HIF1A: variants seen among roughly 807,000 people sequenced by gnomAD.
HIF1A encodes hypoxia inducible factor 1 subunit alpha, also known as hypoxia-inducible factor 1-alpha.
A neutral mutation model predicts 92.7 loss-of-function variants in HIF1A; 24 were observed. That is an observed-to-expected ratio of 0.26 (90% CI 0.19 to 0.36). The LOEUF (loss-of-function observed/expected upper bound fraction) is 0.36, where lower values mean the gene tolerates loss of function less well. HIF1A is among the 10% of genes least tolerant of loss of function. The probability of loss-of-function intolerance (pLI) is 1.00; values close to 1 mark genes in which losing one functional copy is unlikely to be tolerated. For missense variants in HIF1A, 799 were observed against 998.5 expected, an observed-to-expected ratio of 0.80 and a Z score of 2.69; for synonymous variants, 319 against 338.7, an observed-to-expected ratio of 0.94 and a Z score of 0.64.
At chr14:61,699,452 T>C (rs983772186) in intron 1 of HIF1A, among the ~76,000 whole-genome samples, 8 of 69,338 alleles carry the variant, frequency 1.2e-4, no homozygotes, top group Non-Finnish European at 2.4e-4. Flanking sequence ...ATTTAGTCTC[T>C]TGACTGATTT....
intron 8 of HIF1A, among the ~76,000 whole-genome samples, chr14:61,735,723 C>T (rs1015165179): frequency 1.3e-5 from 2 of 152,166 alleles, no homozygotes; most frequent in African/African-American, 2.4e-5. Context: ...CCTCTTCAGC[C>T]GTATCCTGTA....
intron 1 of HIF1A, among the ~76,000 whole-genome samples, chr14:61,712,832 G>A (rs1262244470): frequency 6.6e-6 from 1 of 150,876 alleles, no homozygotes; most frequent in African/African-American, 2.4e-5. Context: ...CTACTGAGAA[G>A]ACAAAGATGA....
intron 1 of HIF1A, among the ~76,000 whole-genome samples, chr14:61,696,179 A>T (rs935877236): frequency 1.3e-5 from 2 of 152,140 alleles, no homozygotes; most frequent in African/African-American, 4.8e-5. Flanking sequence ...TCCGGAGGGG[A>T]CTTTACCCAG....
chr14:61,704,415 C>T (rs537281182), intron 1 of HIF1A, among the ~76,000 whole-genome samples: 50 of 152,062 alleles, frequency 3.3e-4, no homozygotes, highest in African/African-American at 1.1e-3. Flanking sequence ...AATAATTTTC[C>T]ATAGTGGTAA....
intron 6 of HIF1A, 133 bp from the exon 7 acceptor site, chr14:61,732,280 TAAGCA>T (rs2044585436): frequency 1.6e-6 from 1 of 611,236 alleles, no homozygotes; most frequent in African/African-American, 1.8e-5. Context: ...AAATTTATTC[TAAGCA>T]AAGGAGGATG....
At chr14:61,718,480 C>T (rs188904613) in intron 1 of HIF1A, among the ~76,000 whole-genome samples, 2 of 152,166 alleles carry the variant, frequency 1.3e-5, no homozygotes, top group Non-Finnish European at 2.9e-5. Context: ...GATACCCCCC[C>T]ATCCTGGGAA....
chr14:61,726,743 A>G lies in HIF1A; in HGVS notation c.495A>G (p.Arg165=). The G allele has an allele frequency of 1.2e-6, 2 of 1,609,468 alleles. No homozygotes were observed. Among genetic ancestry groups the G allele is most frequent in the South Asian group, 1.1e-5 (1 of 89,826 alleles). The change falls in exon 5 of 15, where the codon CGA becomes CGG. Residue 165 remains arginine (R), a synonymous_variant. Transcript: ENST00000337138. ...VKKGKEQNTQ[R]SFFLRMKCTL... ...AGGGTAAAGAACAAAACACACAGCG[A>G]AGCTTTTTTCTCAGAATGAAGTGTA...
intron 1 of HIF1A, among the ~76,000 whole-genome samples, chr14:61,710,257 C>T (rs181432703): frequency 2.6e-5 from 4 of 152,134 alleles, no homozygotes; most frequent in East Asian, 1.9e-4. Context: ...ATTTCTGTGA[C>T]GTGTTTTGTC....
chr14:61,736,435 T>A (rs780103256), intron 8 of HIF1A, among the ~76,000 whole-genome samples: 5 of 152,316 alleles, frequency 3.3e-5, no homozygotes, highest in Admixed American at 2.0e-4. Flanking sequence ...ATTGATCCTG[T>A]CACCCAGGTA....
intron 6 of HIF1A, among the ~76,000 whole-genome samples, chr14:61,728,499 ACAT>A (rs893192695): frequency 7.9e-5 from 12 of 152,298 alleles, no homozygotes; most frequent in African/African-American, 2.6e-4. Flanking sequence ...CCCCCAAACA[ACAT>A]CATCATCAAA....
At chr14:61,730,878 G>A (rs2301109) in intron 6 of HIF1A, among the ~76,000 whole-genome samples, 115,265 of 152,134 alleles carry the variant, frequency 0.76, 47,819 homozygotes, top group Non-Finnish European at 0.92. Flanking sequence ...AGACCAATTA[G>A]AATTATTTTT....
In HIF1A at chr14:61,742,224, T is replaced by C. The variant is rs548417859; in HGVS notation, c.2093+1036T>C. ...TTCACATATTTTAAGTTTGAGGCTA[T>C]AGCTAGAAGAAATTAAGTTTTATCT... On this transcript the variant is annotated intron_variant, in intron 12 of 14. Coordinates refer to ENST00000337138, the MANE Select transcript of HIF1A (RefSeq NM_001530.4). Among the ~76,000 whole-genome samples the C allele has an allele frequency of 2.6e-5, 4 of 152,360 alleles. No individual in the cohort carries two copies. The Middle Eastern group carries it at 0.01, about 389-fold the overall frequency.
Position 61,747,755 on chromosome 14 carries a change from T to C in HIF1A, c.*670T>C, listed in dbSNP as rs1042515017. The C allele has an allele frequency of 2.6e-5, 4 of 152,582 alleles. No homozygotes were observed. The highest frequency in any genetic ancestry group is 9.7e-5 in the African/African-American group (4 of 41,450). The allele number at this position is 152,582 out of a possible 1,614,324, so 9.5% of individuals were successfully genotyped here. ...GCCATTTACATAATATAGAAAGATA[T>C]GCATATATCTAGAAGGTATGTGGCA... On this transcript the variant is annotated 3_prime_UTR_variant, in exon 15 of 15. Coordinates refer to ENST00000337138, the MANE Select transcript of HIF1A (RefSeq NM_001530.4).
intron 12 of HIF1A, 141 bp downstream of exon 12, chr14:61,741,329 T>C (rs776323809): frequency 8.7e-6 from 5 of 572,548 alleles, no homozygotes; most frequent in Non-Finnish European, 1.5e-5. Flanking sequence ...CAAAAAACTT[T>C]CTAAATTAAC....
At chr14:61,745,617 C>T in intron 13 of HIF1A, 74 bp from the exon 14 acceptor site, 1 of 1,221,044 alleles carries the variant, frequency 8.2e-7, no homozygotes. Context: ...TAAATTTACA[C>T]CAATTTCAAG....
intron 1 of HIF1A, 59 bp from the exon 2 acceptor site, chr14:61,720,323 A>T: frequency 7.9e-7 from 1 of 1,268,180 alleles, no homozygotes; most frequent in Non-Finnish European, 1.1e-6. Flanking sequence ...TATTCAAGTT[A>T]AGGCAAACTA....
intron 12 of HIF1A, among the ~76,000 whole-genome samples, chr14:61,741,684 T>G (rs2044714182): frequency 6.6e-6 from 1 of 152,154 alleles, no homozygotes; most frequent in Non-Finnish European, 1.5e-5. Context: ...TTTTCTAAAA[T>G]AATTATAAAT....
rs1226317298 is a variant in HIF1A, at chr14:61,695,580, C to T, written c.-225C>T. On this transcript the variant is annotated 5_prime_UTR_variant, in exon 1 of 15. Transcript: ENST00000337138. The stretch of plus-strand genomic sequence containing the variant: ...CTCTTCGTCGCTTCGGCCAGTGTGT[C>T]GGGCTGGGCCCTGACAAGCCACCTG... 2 of 589,280 alleles carry T rather than the reference C, an allele frequency of 3.4e-6. No individual in the cohort carries two copies. Among genetic ancestry groups the T allele is most frequent in the Non-Finnish European group, 3.0e-6 (1 of 332,946 alleles). The allele number at this position is 589,280 out of a possible 1,614,324, so 36.5% of individuals were successfully genotyped here. A position where few individuals can be genotyped will look rare whatever the true frequency, so the allele number is the denominator to read the frequency against.
At position 61,720,587 on chromosome 14, in the gene HIF1A, A is replaced by G. The variant is rs747889551; in HGVS notation, c.226+15A>G. On this transcript the variant is annotated intron_variant, in intron 2 of 14. Transcript: ENST00000337138. ...TCTGGATGCTGGTGAGTTATTTTAC[A>G]AGGGTATAAATAGGCCTGAAAATTA... The G allele has an allele frequency of 6.4e-7, 1 of 1,556,282 alleles. No homozygotes were observed. Among genetic ancestry groups the G allele is most frequent in the South Asian group, 1.2e-5 (1 of 85,778 alleles).
Sources: gnomAD v4.1 joint callset for allele counts (sites outside exome capture counted in the v4.1 genomes callset) on GRCh38, gnomAD v4.1.1 for gene constraint, MANE v1.5 for transcripts, NCBI Gene and HGNC (gene_info 2026-07-23, HGNC 2026-07-21) for gene names.